Variants in VPS35L observed in about 807,000 individuals in gnomAD.
VPS35L encodes the protein VPS35 endosomal protein-sorting factor-like.
Under a neutral mutation model 133.0 loss-of-function variants are expected in VPS35L, and 83 were observed. The ratio of observed to expected loss-of-function variants is 0.62; its 90% CI spans 0.52 to 0.75. The LOEUF is 0.75. VPS35L is among the 30% of genes least tolerant of loss of function. VPS35L has a pLI of 0.00. For synonymous variants in VPS35L, 423 were observed against 449.9 expected (o/e 0.94, Z 0.76); for missense variants, 1,083 against 1,206.8 (o/e 0.90, Z 1.52).
intron 2 of VPS35L, 112 bp downstream of exon 2, chr16:19,565,062 T>A: frequency 2.4e-6 from 1 of 414,882 alleles, no homozygotes; most frequent in Non-Finnish European, 3.5e-6. Context: ...CATATTTGAT[T>A]TTTTTTTTTT....
intron 28 of VPS35L, among the ~76,000 whole-genome samples, chr16:19,684,503 C>G (rs1975390258): frequency 6.6e-6 from 1 of 152,178 alleles, no homozygotes; most frequent in Non-Finnish European, 1.5e-5. Context: ...GAGGCTGGTT[C>G]ATAGCAAGAA....
chr16:19,590,268 G>A (rs967485530), intron 7 of VPS35L, among the ~76,000 whole-genome samples: 3 of 151,182 alleles, frequency 2.0e-5, no homozygotes, highest in Non-Finnish European at 4.4e-5. Flanking sequence ...TAGATGTTGG[G>A]TAACAACACC....
intron 19 of VPS35L, among the ~76,000 whole-genome samples, chr16:19,634,823 C>A (rs1376125194): frequency 6.6e-6 from 1 of 152,040 alleles, no homozygotes; most frequent in Non-Finnish European, 1.5e-5. Context: ...TCCTACTGAG[C>A]AGGTATCAAT....
chr16:19,617,172 A>T, intron 14 of VPS35L: 1 of 542,666 alleles, frequency 1.8e-6, no homozygotes, highest in Non-Finnish European at 3.2e-6. Context: ...CTTTGGCAAC[A>T]TAGCAAAACT....
intron 15 of VPS35L, 82 bp downstream of exon 15, chr16:19,626,305 A>G (rs1973259594): frequency 3.9e-6 from 4 of 1,028,608 alleles, no homozygotes; most frequent in Non-Finnish European, 4.6e-6. Context: ...TTACCTGGGT[A>G]TGAGCTGAAG....
chr16:19,635,823 T>TA (rs1973606272), intron 19 of VPS35L, among the ~76,000 whole-genome samples: 1 of 152,166 alleles, frequency 6.6e-6, no homozygotes, highest in South Asian at 2.1e-4. Context: ...TGGATTTGGG[T>TA]AAAGAATATA....
intron 29 of VPS35L, 113 bp downstream of exon 29, chr16:19,691,584 T>C (rs1009171533): frequency 2.6e-6 from 2 of 782,328 alleles, no homozygotes; most frequent in African/African-American, 3.4e-5. Context: ...GAGTAATGTG[T>C]TTATGTGCAA....
At chr16:19,588,185 A>ATGTATGTG (rs916173044) in intron 7 of VPS35L, among the ~76,000 whole-genome samples, 2 of 148,582 alleles carry the variant, frequency 1.3e-5, no homozygotes, top group African/African-American at 5.0e-5. Flanking sequence ...GTATGTATGT[A>ATGTATGTG]TGTATTTATT....
chr16:19,630,112 G>A (rs1469668600), intron 18 of VPS35L, among the ~76,000 whole-genome samples: 1 of 151,838 alleles, frequency 6.6e-6, no homozygotes, highest in Admixed American at 6.6e-5. Flanking sequence ...AGTGCATTGC[G>A]ACTGTACATC....
intron 3 of VPS35L, among the ~76,000 whole-genome samples, chr16:19,571,804 C>T (rs951385811): frequency 5.3e-5 from 8 of 151,322 alleles, no homozygotes; most frequent in Non-Finnish European, 1.2e-4. Flanking sequence ...ATTGGCCTCC[C>T]AAAGTGCTGG....
rs200272317 is a variant in VPS35L at position 19,590,135 on chromosome 16, CCCCG to C, written c.640-1651_640-1648del. Among the ~76,000 whole-genome samples, 24 of 15,990 alleles carry C rather than the reference CCCCG, an allele frequency of 1.5e-3. 1 individual carries two copies. Among genetic ancestry groups the C allele is most frequent in the East Asian group, 3.2e-3 (1 of 308 alleles). The allele number at this position is 15,990 out of a possible 152,430, so 10.5% of individuals were successfully genotyped here. On this transcript the variant is annotated intron_variant, in intron 7 of 30. Coordinates refer to ENST00000417362, the MANE Select transcript of VPS35L (RefSeq NM_020314.7). ...ATTGTTTTTACAGCTTACATTCCCG[CCCCG>C]CCCCCCCCCCCCCCCCCACAAATAA...
chr16:19,625,122 TC>T (rs1973221569), intron 14 of VPS35L, among the ~76,000 whole-genome samples: 1 of 152,112 alleles, frequency 6.6e-6, no homozygotes, highest in Non-Finnish European at 1.5e-5. Context: ...AAAATAGACT[TC>T]AAACTGTGTT....
chr16:19,613,698 T>C (rs1253151523), intron 12 of VPS35L, among the ~76,000 whole-genome samples: 1 of 152,208 alleles, frequency 6.6e-6, no homozygotes, highest in East Asian at 1.9e-4. Flanking sequence ...CCTAGACTAG[T>C]CACGTGGCCA....
At chr16:19,666,911 T>TTTCTTCCTTTCTTCCTTTCTTC in intron 26 of VPS35L, among the ~76,000 whole-genome samples, 1 of 53,986 alleles carries the variant, frequency 1.9e-5, no homozygotes, top group African/African-American at 1.1e-4. Context: ...TTTCTTTCTT[T>TTTCTTCCTTTCTTCCTTTCTTC]CTTTCTTTCT....
intron 18 of VPS35L, among the ~76,000 whole-genome samples, 179 bp from the exon 19 acceptor site, chr16:19,632,913 A>G (rs956215539): frequency 3.3e-5 from 5 of 152,220 alleles, no homozygotes; most frequent in Non-Finnish European, 5.9e-5. Flanking sequence ...GGGCTGTGGT[A>G]CTAGACCGGG....
chr16:19,609,634 G>C (rs969938981), intron 11 of VPS35L, among the ~76,000 whole-genome samples: 2 of 152,214 alleles, frequency 1.3e-5, no homozygotes, highest in Non-Finnish European at 2.9e-5. Context: ...AGTCATGTTA[G>C]ATAGCTAGAT....
chr16:19,582,923 G>T (rs149167027), intron 7 of VPS35L, among the ~76,000 whole-genome samples: 16 of 152,248 alleles, frequency 1.1e-4, no homozygotes, highest in African/African-American at 3.9e-4. Context: ...ATCCCAGCAT[G>T]TTGGGAGGCT....
chr16:19,625,978 CCTT>C (rs1460707206), intron 14 of VPS35L, among the ~76,000 whole-genome samples, 196 bp from the exon 15 acceptor site: 3 of 151,962 alleles, frequency 2.0e-5, no homozygotes, highest in African/African-American at 4.8e-5. Context: ...CCGGCCCCCT[CCTT>C]CTATTTATTA....
chr16:19,602,526 C>T (rs935590161), intron 9 of VPS35L, among the ~76,000 whole-genome samples: 21 of 152,122 alleles, frequency 1.4e-4, no homozygotes, highest in African/African-American at 4.8e-4. Context: ...CCTCTCTCTT[C>T]CTCTCCCTCC....
Sources: allele counts gnomAD v4.1 joint callset (sites outside exome capture counted in the v4.1 genomes callset), GRCh38; gene constraint gnomAD v4.1.1; transcripts MANE v1.5; gene names NCBI Gene and HGNC (gene_info 2026-07-23, HGNC 2026-07-21).